The following KCTD4 variants were observed in gnomAD, a reference collection of about 807,000 sequenced individuals.
KCTD4 encodes the protein potassium channel tetramerization domain containing 4, also known as BTB/POZ domain-containing protein KCTD4.
KCTD4 carries 12 observed loss-of-function variants against 18.3 expected under a neutral mutation model. That is an observed-to-expected ratio of 0.66 (90% CI 0.42 to 1.06). The LOEUF is 1.06. Among genes scored for constraint, KCTD4 ranks in the 50% least tolerant of loss-of-function variants. The pLI is 0.00. For missense variants in KCTD4, 250 were observed against 303.4 expected (o/e 0.82, Z 1.31); for synonymous variants, 124 against 110.5 (o/e 1.12, Z -0.76).
At position 45,193,835 on chromosome 13, in the gene KCTD4, A is replaced by G; in HGVS notation, c.733T>C (p.Ser245Pro). 2.5e-6 allele frequency: 4 copies of G among 1,611,532 alleles called. No homozygotes were observed. The highest frequency in any genetic ancestry group is 2.5e-6 in the Non-Finnish European group (3 of 1,179,352). ...GFRLLTSLDC[S>P]KGSIVHSDAL... is the part of the protein sequence containing the mutation. Reference sequence around the variant, plus strand: ...TCGCTGTGAACAATTGACCCTTTGGAACAATCCAGGCTGGTCAGCAGTCTA... The same window carrying G: ...TCGCTGTGAACAATTGACCCTTTGGGACAATCCAGGCTGGTCAGCAGTCTA... Residue 245 changes from serine to proline, a missense_variant, in exon 2 of 2, where the codon TCC (serine) becomes CCC (proline). Coordinates refer to ENST00000379108, the MANE Select transcript of KCTD4 (RefSeq NM_198404.3).
Position 45,193,999 on chromosome 13 carries a change from G to A in KCTD4, c.569C>T (p.Ser190Leu), listed in dbSNP as rs771518022. The stretch of plus-strand genomic sequence containing the variant: ...GTATTTAAATTGGATGATATTTGAC[G>A]ATATTGAAAACTCCTCTGGAAATCC... ...LDGFPEEFSI[S>L]SNIIQFKYFI... is the part of the protein sequence containing the mutation. Residue 190 changes from serine to leucine, a missense_variant, in exon 2 of 2, where the codon TCG (serine) becomes TTG (leucine). Physicochemically the swap from Ser to Leu is moderately radical, Grantham distance 145 (BLOSUM62 -2). Transcript: ENST00000379108. The A allele has an allele frequency of 1.1e-5, 17 of 1,613,800 alleles. No homozygotes were observed. Among genetic ancestry groups the A allele is most frequent in the Admixed American group, 1.7e-5 (1 of 59,974 alleles).
chr13:45,196,999 A>G (rs951151244), intron 1 of KCTD4, among the ~76,000 whole-genome samples: 24 of 151,950 alleles, frequency 1.6e-4, no homozygotes, highest in Non-Finnish European at 1.5e-5. Context: ...ACTCTGAACC[A>G]TTCCATCTTG....
At chr13:45,199,212 G>C (rs953874347) in intron 1 of KCTD4, among the ~76,000 whole-genome samples, 4 of 152,186 alleles carry the variant, frequency 2.6e-5, no homozygotes, top group Non-Finnish European at 5.9e-5. Flanking sequence ...GTGTTGAACT[G>C]CGTCTTCAAG....
At chr13:45,194,854 A>T (rs1217296139) in intron 1 of KCTD4, 100 bp from the exon 2 acceptor site, 8 of 385,726 alleles carry the variant, frequency 2.1e-5, no homozygotes, top group African/African-American at 1.6e-4. Context: ...AATAAGAGTT[A>T]CTCAGAATAA....
rs1873147678 is a variant in KCTD4, at chr13:45,200,854, T to C, written c.-218A>G. On this transcript the variant is annotated 5_prime_UTR_variant, in exon 1 of 2. Coordinates refer to ENST00000379108, the MANE Select transcript of KCTD4 (RefSeq NM_198404.3). ...TCTTGAAAAGATTATTTCTTCAGTCTTTTCCCAGAGAGTGTCGACACAGGT... is the reference window on the plus strand; with the variant it reads ...TCTTGAAAAGATTATTTCTTCAGTCCTTTCCCAGAGAGTGTCGACACAGGT... Among the ~76,000 whole-genome samples the C allele has an allele frequency of 6.6e-6, 1 of 152,090 alleles. No individual in the cohort carries two copies. The highest frequency in any genetic ancestry group is 2.4e-5 in the African/African-American group (1 of 41,454).
At chr13:45,197,906 A>G (rs1593486007) in intron 1 of KCTD4, among the ~76,000 whole-genome samples, 1 of 152,352 alleles carries the variant, frequency 6.6e-6, no homozygotes, top group East Asian at 1.9e-4. Flanking sequence ...TAAACCACAC[A>G]TGTCAAAGAT....
At position 45,194,728 on chromosome 13, in the gene KCTD4, G is replaced by T; in HGVS notation, c.-161C>A. ...TCAGCTCGGTTTTGCAGTAGGTGGC[G>T]TATCAGCCTATGTATGCAGGAGCTT... On this transcript the variant is annotated 5_prime_UTR_variant, in exon 2 of 2. Transcript: ENST00000379108. 7.7e-6 allele frequency: 5 copies of T among 648,448 alleles called. No individual in the cohort carries two copies. Among genetic ancestry groups the T allele is most frequent in the South Asian group, 5.9e-5 (3 of 51,114 alleles). The allele number at this position is 648,448 out of a possible 1,614,324, so 40.2% of individuals were successfully genotyped here.
intron 1 of KCTD4, among the ~76,000 whole-genome samples, chr13:45,198,108 C>T (rs1872993709): frequency 6.6e-6 from 1 of 152,192 alleles, no homozygotes; most frequent in Non-Finnish European, 1.5e-5. Context: ...TAAACTGGTC[C>T]TTAGTATGAG....
At position 45,193,713 on chromosome 13, in the gene KCTD4, G is replaced by A; in HGVS notation, c.*75C>T. 1 of 1,359,122 alleles carries A rather than the reference G, an allele frequency of 7.4e-7. No individual in the cohort carries two copies. The allele number at this position is 1,359,122 out of a possible 1,614,324, so 84.2% of individuals were successfully genotyped here. On this transcript the variant is annotated 3_prime_UTR_variant, in exon 2 of 2. Transcript: ENST00000379108. The stretch of plus-strand genomic sequence containing the variant: ...ACAGAGCTAGCTGGGCATGTTATTT[G>A]GGATGTCTTTGATGCTGTGGTTTTC...
chr13:45,196,076 ATTTTC>A (rs1397542078), intron 1 of KCTD4, among the ~76,000 whole-genome samples: 1 of 152,176 alleles, frequency 6.6e-6, no homozygotes, highest in Non-Finnish European at 1.5e-5. Flanking sequence ...CATACTTCTT[ATTTTC>A]TTTAAACAAT....
intron 1 of KCTD4, among the ~76,000 whole-genome samples, chr13:45,197,805 A>G (rs940974103): frequency 2.6e-5 from 4 of 152,234 alleles, no homozygotes; most frequent in Non-Finnish European, 4.4e-5. Flanking sequence ...ACCTATACCA[A>G]GGGAGACATC....
At position 45,194,721 on chromosome 13, in the gene KCTD4, A is replaced by G; in HGVS notation, c.-154T>C. On this transcript the variant is annotated 5_prime_UTR_variant, in exon 2 of 2. Transcript: ENST00000379108. ...TGCGCTGTCAGCTCGGTTTTGCAGT[A>G]GGTGGCGTATCAGCCTATGTATGCA... The G allele has an allele frequency of 1.5e-6, 1 of 670,822 alleles. No individual in the cohort carries two copies. Among genetic ancestry groups the G allele is most frequent in the Non-Finnish European group, 2.6e-6 (1 of 383,080 alleles). The allele number at this position is 670,822 out of a possible 1,614,324, so 41.6% of individuals were successfully genotyped here.
chr13:45,194,644 C>A lies in KCTD4; in HGVS notation c.-77G>T. ...AAAGAGACACTACCACACAAGCACG[C>A]CTTTATTCAGCCCCAGCCTGGTGAT... On this transcript the variant is annotated 5_prime_UTR_variant, in exon 2 of 2. Coordinates refer to ENST00000379108, the MANE Select transcript of KCTD4 (RefSeq NM_198404.3). 7.7e-7 allele frequency: 1 copy of A among 1,306,634 alleles called. No individual in the cohort carries two copies. Among genetic ancestry groups the A allele is most frequent in the Non-Finnish European group, 1.1e-6 (1 of 935,032 alleles). The allele number at this position is 1,306,634 out of a possible 1,614,324, so 80.9% of individuals were successfully genotyped here.
In KCTD4 at chr13:45,194,265, G is replaced by A. The variant is rs775887413; in HGVS notation, c.303C>T (p.Pro101=). ...GAAGTTGATTTTCTCGAAACCCTTC[G>A]GGCAATAGAAGTTCTCCATTTCGTA... ...NFLRNGELLL[P]EGFRENQLLA... The change falls in exon 2 of 2, where the codon CCC becomes CCT. Residue 101 remains proline (P), a synonymous_variant. Transcript: ENST00000379108. The A allele has an allele frequency of 2.4e-5, 39 of 1,613,902 alleles. No homozygotes were observed. Among genetic ancestry groups the A allele is most frequent in the African/African-American group, 2.7e-5 (2 of 74,878 alleles).
rs149350558 is a variant in KCTD4 at position 45,194,454 on chromosome 13, G to A, written c.114C>T (p.Asn38=). The change falls in exon 2 of 2, where the codon AAC becomes AAT. Residue 38 remains asparagine (N), a synonymous_variant. Transcript: ENST00000379108. ...GAGTAATGTATAAATATCCACCAAC[G>A]TTGAGGGTCATCAGTGTGGATTTGC... is the stretch of plus-strand genomic sequence containing the variant. The part of the protein sequence containing the change: ...KNCKSTLMTL[N]VGGYLYITQK... 244 of 1,613,994 alleles carry A rather than the reference G, an allele frequency of 1.5e-4. No individual in the cohort carries two copies. The highest frequency in any genetic ancestry group is 1.8e-4 in the Non-Finnish European group (217 of 1,179,972).
chr13:45,198,457 T>G (rs1873011985), intron 1 of KCTD4, among the ~76,000 whole-genome samples: 1 of 152,172 alleles, frequency 6.6e-6, no homozygotes, highest in South Asian at 2.1e-4. Flanking sequence ...TCTATAAAAT[T>G]CAGACACTCT....
chr13:45,200,241 G>A (rs1873109022), intron 1 of KCTD4, among the ~76,000 whole-genome samples: 1 of 151,890 alleles, frequency 6.6e-6, no homozygotes, highest in South Asian at 2.1e-4. Flanking sequence ...AATTTTGCAG[G>A]GAGATGAGAG....
chr13:45,196,233 A>G (rs1265441162), intron 1 of KCTD4, among the ~76,000 whole-genome samples: 1 of 152,216 alleles, frequency 6.6e-6, no homozygotes, highest in Non-Finnish European at 1.5e-5. Context: ...TTGCTTAGAG[A>G]CTGTGAAATT....
In KCTD4 at chr13:45,194,474, A is replaced by G. The variant is rs369513732; in HGVS notation, c.94T>C (p.Ser32Pro). Residue 32 changes from serine (S) to proline (P), a missense_variant, in exon 2 of 2, where the codon TCC becomes CCC. Transcript: ENST00000379108. ...CCAACGTTGAGGGTCATCAGTGTGG[A>G]TTTGCAGTTCTTTCCTTGATCAGTA... ...EDTDQGKNCK[S>P]TLMTLNVGGY... 6 of 1,613,930 alleles carry G rather than the reference A, an allele frequency of 3.7e-6. No individual in the cohort carries two copies. The Admixed American group carries it at 5.0e-5, about 13-fold the overall frequency.
Sources: allele counts gnomAD v4.1 joint callset (sites outside exome capture counted in the v4.1 genomes callset), GRCh38; gene constraint gnomAD v4.1.1; transcripts MANE v1.5; gene names NCBI Gene and HGNC (gene_info 2026-07-23, HGNC 2026-07-21).